Variants in ANKMY1 observed in about 807,000 individuals in gnomAD.
The protein encoded by ANKMY1 is ankyrin repeat and MYND domain-containing protein 1.
A neutral mutation model predicts 102.0 loss-of-function variants in ANKMY1; 98 were observed. The observed-to-expected ratio is 0.96, with a 90% CI of 0.82 to 1.14. ANKMY1 has a LOEUF of 1.14. Among genes scored for constraint, ANKMY1 ranks in the 50% most tolerant of loss-of-function variants. ANKMY1 has a pLI of 0.00. For missense variants in ANKMY1, 1,330 were observed against 1,347.6 expected (o/e 0.99, Z 0.20); for synonymous variants, 582 against 559.9 (o/e 1.04, Z -0.56).
At position 240,557,282 on chromosome 2, in the gene ANKMY1, G is replaced by A. The variant is rs745350910; in HGVS notation, c.54C>T (p.Gly18=). Residue 18 remains glycine, a synonymous_variant, in exon 2 of 18, where the codon GGC becomes GGT. Transcript: ENST00000401804. ...LSLEDEVSGA[G]SRQRPLEGKG... The stretch of plus-strand genomic sequence containing the variant: ...TCCCCTCTAGCGGGCGTTGGCGGCT[G>A]CCAGCCCCAGAGACTTCGTCCTCTA... 5 of 1,593,588 alleles carry A rather than the reference G, an allele frequency of 3.1e-6. No homozygotes were observed. Among genetic ancestry groups the A allele is most frequent in the Non-Finnish European group, 4.3e-6 (5 of 1,169,248 alleles).
At position 240,520,640 on chromosome 2, in the gene ANKMY1, T is replaced by C; in HGVS notation, c.1833-107A>G. ...GCTGGGGAGGGGCGCGTAGGGAGTA[T>C]GTGTGTGCCGCAACTACACAATCAC... On this transcript the variant is annotated intron_variant, in intron 8 of 17. Coordinates refer to ENST00000401804, the MANE Select transcript of ANKMY1 (RefSeq NM_001282771.3). The surrounding 1 kb of genome is among the most constrained non-coding windows in gnomAD (Gnocchi z 4.8). The C allele has an allele frequency of 7.3e-7, 1 of 1,363,654 alleles. No homozygotes were observed. The highest frequency in any genetic ancestry group is 9.8e-7 in the Non-Finnish European group (1 of 1,022,066). 84.5% of individuals were successfully genotyped at this position (1,363,654 alleles called of 1,614,324 possible).
upstream of ANKMY1, among the ~76,000 whole-genome samples, chr2:240,559,709 C>A (rs1396156018): frequency 6.6e-6 from 1 of 152,238 alleles, no homozygotes; most frequent in Non-Finnish European, 1.5e-5. Flanking sequence ...TCTGGAGCTG[C>A]AACCAGGGAA....
In ANKMY1 at chr2:240,505,988, G is replaced by A. The variant is rs60026557; in HGVS notation, c.2526+1572C>T. ...ATATCCAGTGGAAGCAGACAGCATG[G>A]TTAGGGTTGGCAGCACTACCAGGTT... is the stretch of plus-strand genomic sequence containing the variant. On this transcript the variant is annotated intron_variant, in intron 13 of 17. Transcript: ENST00000401804. Among the ~76,000 whole-genome samples the A allele has an allele frequency of 7.0e-3, 1,070 of 152,256 alleles. 15 individuals are homozygous for A. The highest frequency in any genetic ancestry group is 0.025 in the African/African-American group (1,018 of 41,534).
In ANKMY1 at chr2:240,520,351, G is replaced by A. The variant is rs756972550; in HGVS notation, c.2004+11C>T. On this transcript the variant is annotated intron_variant, in intron 9 of 17. Coordinates refer to ENST00000401804, the MANE Select transcript of ANKMY1 (RefSeq NM_001282771.3). This position sits in a 1 kb window ranked among gnomAD's most constrained non-coding sequence, Gnocchi z 4.8. Reference sequence around the variant, plus strand: ...GCGCTCGTCCCGGCGCCCGCCCGCCGCGGCTCCTACCTGCGGCGGAAAGCA... The same window carrying A: ...GCGCTCGTCCCGGCGCCCGCCCGCCACGGCTCCTACCTGCGGCGGAAAGCA... The A allele has an allele frequency of 6.5e-7, 1 of 1,527,810 alleles. No individual in the cohort carries two copies. Among genetic ancestry groups the A allele is most frequent in the South Asian group, 1.2e-5 (1 of 82,780 alleles). 94.6% of individuals were successfully genotyped at this position (1,527,810 alleles called of 1,614,324 possible). A position where few individuals can be genotyped will look rare whatever the true frequency, so the allele number is the denominator to read the frequency against.
chr2:240,473,123 T>TAAA, the ANKMY1 span, among the ~76,000 whole-genome samples: 878 of 108,060 alleles, frequency 8.1e-3, 19 homozygotes, highest in African/African-American at 0.034. Flanking sequence ...AAACTCTGTC[T>TAAA]AAAAAAAAAA....
rs768098181 is a variant in ANKMY1, at chr2:240,526,235, C to T, written c.1164G>A (p.Ala388=). The T allele has an allele frequency of 2.9e-5, 47 of 1,613,888 alleles. No individual in the cohort carries two copies. Among genetic ancestry groups the T allele is most frequent in the Admixed American group, 5.0e-5 (3 of 60,000 alleles). ...ADAKGYTVLA[A]AATHCHNDIV... ...GGGAGGGTGTGGGGCTTACAGCAGC[C>T]GCAGCAAGCACAGTGTAGCCCTTTG... Residue 388 remains alanine (A), a synonymous_variant, in exon 6 of 18, where the codon GCG becomes GCA. Coordinates refer to ENST00000401804, the MANE Select transcript of ANKMY1 (RefSeq NM_001282771.3).
chr2:240,481,899 G>C (rs1266778513), intron 16 of ANKMY1, among the ~76,000 whole-genome samples: 1 of 152,144 alleles, frequency 6.6e-6, no homozygotes, highest in African/African-American at 2.4e-5. Flanking sequence ...CCACCCTCCT[G>C]CAGGACATGG....
At chr2:240,522,581 T>C (rs1317532033) in intron 8 of ANKMY1, 3 of 152,192 alleles carry the variant, frequency 2.0e-5, no homozygotes, top group African/African-American at 4.8e-5. Context: ...GCTAGCTACC[T>C]GGCGGAGCTG....
intron 4 of ANKMY1, among the ~76,000 whole-genome samples, chr2:240,537,686 T>A (rs1196605446): frequency 6.6e-6 from 1 of 152,186 alleles, no homozygotes; most frequent in Non-Finnish European, 1.5e-5. Flanking sequence ...AACAACGAAG[T>A]GTGCATGTCT....
chr2:240,500,491 C>T lies in ANKMY1; in HGVS notation c.2601G>A (p.Val867=). The change falls in exon 14 of 18, where the codon GTG becomes GTA. Residue 867 remains valine, a synonymous_variant. Transcript: ENST00000401804. The part of the protein sequence containing the change: ...VMLRQGEKEA[V]GTAVDYGYFR... ...AGTAGCCATAGTCCACGGCTGTGCCCACTGCCTCCTTTTCTCCCTGCCTGA... is the reference window on the plus strand; with the variant it reads ...AGTAGCCATAGTCCACGGCTGTGCCTACTGCCTCCTTTTCTCCCTGCCTGA... The T allele has an allele frequency of 6.2e-7, 1 of 1,614,172 alleles. No individual in the cohort carries two copies. Among genetic ancestry groups the T allele is most frequent in the Non-Finnish European group, 8.5e-7 (1 of 1,180,010 alleles).
intron 10 of ANKMY1, 65 bp from the exon 11 acceptor site, chr2:240,512,066 G>T: frequency 6.8e-7 from 1 of 1,462,170 alleles, no homozygotes; most frequent in East Asian, 2.7e-5. Flanking sequence ...GAAGGCAAAC[G>T]GAGCAAGGGA....
At chr2:240,532,608 G>C (rs2085700447) in intron 4 of ANKMY1, among the ~76,000 whole-genome samples, 1 of 152,154 alleles carries the variant, frequency 6.6e-6, no homozygotes, top group Non-Finnish European at 1.5e-5. Flanking sequence ...TAGATAGATA[G>C]ACATAGATAT....
intron 4 of ANKMY1, among the ~76,000 whole-genome samples, chr2:240,551,367 T>G (rs534191556): frequency 6.6e-6 from 1 of 152,224 alleles, no homozygotes; most frequent in African/African-American, 2.4e-5. Flanking sequence ...GGCAACGTGT[T>G]TGTTTGCATA....
intron 9 of ANKMY1, among the ~76,000 whole-genome samples, chr2:240,514,574 CATG>C (rs2152258251): frequency 6.6e-6 from 1 of 152,344 alleles, no homozygotes; most frequent in African/African-American, 2.4e-5. Flanking sequence ...AAGAGGGTAA[CATG>C]GTGACATTTT....
At chr2:240,482,714 T>C (rs1005072659) in intron 15 of ANKMY1, among the ~76,000 whole-genome samples, 4 of 152,260 alleles carry the variant, frequency 2.6e-5, no homozygotes, top group Non-Finnish European at 5.9e-5. Context: ...TTATGATCTA[T>C]ATACAGTCTG....
intron 15 of ANKMY1, among the ~76,000 whole-genome samples, chr2:240,494,186 G>C (rs1212019401): frequency 1.3e-5 from 2 of 152,134 alleles, no homozygotes; most frequent in Non-Finnish European, 2.9e-5. Flanking sequence ...TGGGCATGGA[G>C]TGATCTTCAG....
In ANKMY1 at chr2:240,554,952, C is replaced by A; in HGVS notation, c.250G>T (p.Glu84Ter). 6.2e-7 allele frequency: 1 copy of A among 1,614,202 alleles called. No homozygotes were observed. The highest frequency in any genetic ancestry group is 8.5e-7 in the Non-Finnish European group (1 of 1,180,026). ...TGGTACATGCAACCATCCTGCCACT[C>A]CTGCACACCCTGGACGAGCTGGATG... is the stretch of plus-strand genomic sequence containing the variant. ...SYIQLVQGVQ[E>*]WQDGCMYQGE... The change falls in exon 3 of 18, where the codon GAG (glutamate) becomes TAG (stop). Residue 84 changes from glutamate (E) to a stop codon, truncating the protein, a stop_gained. Coordinates refer to ENST00000401804, the MANE Select transcript of ANKMY1 (RefSeq NM_001282771.3). LOFTEE classifies it high-confidence loss of function.
rs769848735 is a variant in ANKMY1, at chr2:240,524,309, A to G, written c.1408T>C (p.Tyr470His). The stretch of plus-strand genomic sequence containing the variant: ...CCCTGGGAAGGCACGTTCACCTCAT[A>G]GTACAGAGACTCCAGGTTTGTGTCC... ...FMDTNLESLY[Y>H]EVNVPSQGSY... The change falls in exon 8 of 18, where the codon TAT (tyrosine) becomes CAT (histidine). Residue 470 changes from tyrosine to histidine, a missense_variant. Tyr to His is a moderately conservative substitution (Grantham distance 83). Transcript: ENST00000401804. 6 of 1,613,790 alleles carry G rather than the reference A, an allele frequency of 3.7e-6. No homozygotes were observed. Among genetic ancestry groups the G allele is most frequent in the African/African-American group, 1.3e-5 (1 of 75,052 alleles).
the ANKMY1 span, among the ~76,000 whole-genome samples, chr2:240,470,644 G>A: frequency 5.9e-5 from 9 of 152,292 alleles, no homozygotes; most frequent in African/African-American, 1.7e-4. Flanking sequence ...CATAGGAGAC[G>A]TCAAAATATG....
Sources: gnomAD v4.1 joint callset for allele counts (sites outside exome capture counted in the v4.1 genomes callset) on GRCh38, gnomAD v4.1.1 for gene constraint, Gnocchi (gnomAD v3.1) non-coding constraint, MANE v1.5 for transcripts, NCBI Gene and HGNC (gene_info 2026-07-23, HGNC 2026-07-21) for gene names.